CCSER1: variants seen among roughly 807,000 people sequenced by gnomAD.
The protein encoded by CCSER1 is coiled-coil serine rich protein 1.
A neutral mutation model predicts 82.0 loss-of-function variants in CCSER1; 41 were observed. That is an observed-to-expected ratio of 0.50 (90% CI 0.39 to 0.65). The LOEUF (loss-of-function observed/expected upper bound fraction) is 0.65, where lower values mean the gene tolerates loss of function less well. Ranked by LOEUF, CCSER1 falls within the 30% of genes least tolerant of loss-of-function variation. CCSER1 has a pLI of 0.00. For missense variants in CCSER1, 1,119 were observed against 1,064.2 expected, an observed-to-expected ratio of 1.05 and a Z score of -0.72; for synonymous variants, 414 against 383.9, an observed-to-expected ratio of 1.08 and a Z score of -0.92.
At chr4:90,510,249 C>A (rs558272231) in intron 5 of CCSER1, among the ~76,000 whole-genome samples, 1 of 152,072 alleles carries the variant, frequency 6.6e-6, no homozygotes. Flanking sequence ...TGCTTTTTAA[C>A]CTTCGCTGAA....
chr4:91,224,354 T>C (rs954882672), intron 10 of CCSER1, among the ~76,000 whole-genome samples: 1 of 152,030 alleles, frequency 6.6e-6, no homozygotes, highest in Non-Finnish European at 1.5e-5. Context: ...AGAGATGAGG[T>C]CCTTGTTTAA....
At chr4:91,443,530 G>A (rs983503839) in intron 10 of CCSER1, among the ~76,000 whole-genome samples, 3 of 148,574 alleles carry the variant, frequency 2.0e-5, no homozygotes, top group Non-Finnish European at 3.0e-5. Flanking sequence ...GGGAGGGATA[G>A]CATTAGGAGA....
intron 10 of CCSER1, among the ~76,000 whole-genome samples, chr4:91,260,070 AAATT>A (rs1437745109): frequency 8.5e-5 from 13 of 152,204 alleles, no homozygotes; most frequent in African/African-American, 3.1e-4. Flanking sequence ...ACAAAAGTCA[AAATT>A]AATTCAATTC....
intron 8 of CCSER1, among the ~76,000 whole-genome samples, chr4:90,905,767 G>A (rs1174381935): frequency 6.6e-6 from 1 of 152,188 alleles, no homozygotes; most frequent in Non-Finnish European, 1.5e-5. Flanking sequence ...TCCTTTGCTC[G>A]GGGCCTGCGC....
intron 3 of CCSER1, among the ~76,000 whole-genome samples, chr4:90,343,609 C>G (rs1579291593): frequency 6.6e-6 from 1 of 152,234 alleles, no homozygotes; most frequent in East Asian, 1.9e-4. Flanking sequence ...GAGTGAGACC[C>G]TGTCCCAAAA....
rs1446774063 is a variant in CCSER1 at position 91,562,620 on chromosome 4, G to A, written c.2218-35952G>A. Among the ~76,000 whole-genome samples, 9 of 151,504 alleles carry A rather than the reference G, an allele frequency of 5.9e-5. No individual in the cohort carries two copies. In the Admixed American group the frequency reaches 6.0e-4, roughly 10 times the overall value. On this transcript the variant is annotated intron_variant, in intron 10 of 10. Transcript: ENST00000509176. ...TTGTAGACCCACTTAGACTCTATAT[G>A]CTGATGGCCAAAAAGAAATTGAATG...
rs1561294982 is a variant in CCSER1 at position 90,879,568 on chromosome 4, GAGGAAGAAGAAGAA to G, written c.2095-43801_2095-43788del. ...AGAAGAAGAAGAGGAAGAAGAAGAAGAGGAAGAAGAAGAAGAGGAGGAGGAGGAGGAGGAAGAAG... is the reference window on the plus strand; with the variant it reads ...AGAAGAAGAAGAGGAAGAAGAAGAAGGAGGAGGAGGAGGAGGAGGAAGAAG... On this transcript the variant is annotated intron_variant, in intron 8 of 10. Coordinates refer to ENST00000509176, the MANE Select transcript of CCSER1 (RefSeq NM_001145065.2). Among the ~76,000 whole-genome samples the G allele has an allele frequency of 1.2e-3, 148 of 119,058 alleles. 1 individual carries two copies. Among genetic ancestry groups the G allele is most frequent in the Admixed American group, 2.8e-3 (32 of 11,354 alleles). The allele number at this position is 119,058 out of a possible 152,430, so 78.1% of individuals were successfully genotyped here.
chr4:90,838,883 T>C (rs1434215565), intron 8 of CCSER1: 2 of 1,612,990 alleles, frequency 1.2e-6, no homozygotes, highest in Admixed American at 3.3e-5. Context: ...GTACAGTGCA[T>C]ATTGGCGGCG....
chr4:90,268,529 TAAAAA>T (rs1725662362), intron 1 of CCSER1, among the ~76,000 whole-genome samples: 1 of 150,490 alleles, frequency 6.6e-6, no homozygotes, highest in South Asian at 2.1e-4. Context: ...TAATCTCAAA[TAAAAA>T]AATAAAACAG....
At chr4:91,544,188 T>C (rs1224533721) in intron 10 of CCSER1, among the ~76,000 whole-genome samples, 1 of 152,174 alleles carries the variant, frequency 6.6e-6, no homozygotes, top group Admixed American at 6.5e-5. Flanking sequence ...CTGTTTATTC[T>C]AGTTAGCCAT....
At chr4:90,605,381 A>C (rs1447476154) in intron 5 of CCSER1, among the ~76,000 whole-genome samples, 1 of 152,216 alleles carries the variant, frequency 6.6e-6, no homozygotes, top group Non-Finnish European at 1.5e-5. Flanking sequence ...AAGATGTTAT[A>C]AATATGGGCC....
intron 7 of CCSER1, among the ~76,000 whole-genome samples, chr4:90,772,168 A>G (rs1254115774): frequency 6.6e-6 from 1 of 152,158 alleles, no homozygotes; most frequent in Non-Finnish European, 1.5e-5. Flanking sequence ...AATTATAAAC[A>G]CACTCCCTTA....
chr4:90,857,931 A>G (rs1403079438), intron 8 of CCSER1, among the ~76,000 whole-genome samples: 1 of 152,094 alleles, frequency 6.6e-6, no homozygotes, highest in Non-Finnish European at 1.5e-5. Flanking sequence ...GATGATGTAC[A>G]AGTTAATTTG....
At chr4:91,491,940 T>C (rs1055399115) in intron 10 of CCSER1, among the ~76,000 whole-genome samples, 25 of 140,844 alleles carry the variant, frequency 1.8e-4, no homozygotes, top group Non-Finnish European at 3.1e-4. Flanking sequence ...AATAAGTCAT[T>C]GCTAATAGTT....
At chr4:90,475,106 C>A (rs1764879846) in intron 5 of CCSER1, among the ~76,000 whole-genome samples, 1 of 152,212 alleles carries the variant, frequency 6.6e-6, no homozygotes, top group South Asian at 2.1e-4. Context: ...GAATCATTGT[C>A]ATTGATTTTC....
At chr4:91,252,711 G>T (rs1258316738) in intron 10 of CCSER1, among the ~76,000 whole-genome samples, 1 of 152,124 alleles carries the variant, frequency 6.6e-6, no homozygotes, top group Non-Finnish European at 1.5e-5. Flanking sequence ...AGCAGGGTTT[G>T]TGTATGTTAT....
At chr4:91,094,035 G>C (rs1002334760) in intron 10 of CCSER1, among the ~76,000 whole-genome samples, 1 of 152,190 alleles carries the variant, frequency 6.6e-6, no homozygotes, top group Non-Finnish European at 1.5e-5. Flanking sequence ...CGTACCTGCT[G>C]TCTGCAGATC....
chr4:91,345,641 G>A (rs1748005672), intron 10 of CCSER1, among the ~76,000 whole-genome samples: 1 of 152,012 alleles, frequency 6.6e-6, no homozygotes, highest in South Asian at 2.1e-4. Flanking sequence ...TATTAGTATA[G>A]TATTTTTGTT....
intron 5 of CCSER1, among the ~76,000 whole-genome samples, chr4:90,611,650 A>G (rs72871961): frequency 0.075 from 11,339 of 150,596 alleles, 531 homozygotes; most frequent in East Asian, 0.17. Flanking sequence ...GGATATTTCT[A>G]TAATACCATT....
Sources: allele counts gnomAD v4.1 joint callset (sites outside exome capture counted in the v4.1 genomes callset), GRCh38; gene constraint gnomAD v4.1.1; transcripts MANE v1.5; gene names NCBI Gene and HGNC (gene_info 2026-07-23, HGNC 2026-07-21).